Variants in CPQ observed in about 807,000 individuals in gnomAD.
The protein encoded by CPQ is Ser-Met dipeptidase.
Under a neutral mutation model 45.7 loss-of-function variants are expected in CPQ, and 37 were observed. The observed-to-expected ratio is 0.81, with a 90% CI of 0.62 to 1.07. The LOEUF is 1.07. Ranked by LOEUF, CPQ falls within the 50% of genes least tolerant of loss-of-function variation. The probability of loss-of-function intolerance (pLI) is 0.00; values close to 1 mark genes in which losing one functional copy is unlikely to be tolerated. For missense variants in CPQ, 537 were observed against 572.9 expected (o/e 0.94, Z 0.64); for synonymous variants, 186 against 205.8 (o/e 0.90, Z 0.82).
At chr8:96,770,352 G>GAACC (rs992969298) in intron 1 of CPQ, among the ~76,000 whole-genome samples, 6 of 152,144 alleles carry the variant, frequency 3.9e-5, no homozygotes, top group African/African-American at 1.4e-4. Flanking sequence ...GTAACTCCAA[G>GAACC]AACCAGTGAG....
chr8:96,996,224 A>C (rs1461678911), intron 5 of CPQ, among the ~76,000 whole-genome samples: 1 of 151,990 alleles, frequency 6.6e-6, no homozygotes, highest in Non-Finnish European at 1.5e-5. Flanking sequence ...CAGGTCACCA[A>C]GGGTAGAGGT....
chr8:96,808,887 T>C (rs1386698510), intron 2 of CPQ, among the ~76,000 whole-genome samples: 1 of 152,188 alleles, frequency 6.6e-6, no homozygotes, highest in Non-Finnish European at 1.5e-5. Context: ...AGATGGCATA[T>C]GCATCCCGTA....
At chr8:96,936,593 A>G (rs1204939604) in intron 4 of CPQ, among the ~76,000 whole-genome samples, 4 of 152,212 alleles carry the variant, frequency 2.6e-5, no homozygotes, top group Admixed American at 6.5e-5. Flanking sequence ...ACTCAACCTC[A>G]CAAAATCTCT....
chr8:97,097,324 C>T (rs922439011), intron 7 of CPQ, among the ~76,000 whole-genome samples: 2 of 152,092 alleles, frequency 1.3e-5, no homozygotes, highest in African/African-American at 4.8e-5. Context: ...CTTAGGATCT[C>T]TTCTTTTTTT....
intron 3 of CPQ, among the ~76,000 whole-genome samples, chr8:96,862,288 G>T (rs1811936288): frequency 6.9e-6 from 1 of 144,414 alleles, no homozygotes; most frequent in Non-Finnish European, 1.5e-5. Flanking sequence ...TTGCATTTGT[G>T]TGTGTGTGTG....
intron 1 of CPQ, among the ~76,000 whole-genome samples, chr8:96,645,637 G>A (rs1815509746): frequency 6.6e-6 from 1 of 152,042 alleles, no homozygotes; most frequent in South Asian, 2.1e-4. Context: ...CCTAGAAATG[G>A]GGAAGCTGTG....
At chr8:96,785,609 A>T (rs1810757813) in intron 2 of CPQ, among the ~76,000 whole-genome samples, 1 of 152,224 alleles carries the variant, frequency 6.6e-6, no homozygotes, top group African/African-American at 2.4e-5. Flanking sequence ...CTAGTTAAAC[A>T]TTAGCATGGT....
intron 1 of CPQ, among the ~76,000 whole-genome samples, chr8:96,658,202 G>A (rs1815659914): frequency 6.6e-6 from 1 of 152,172 alleles, no homozygotes; most frequent in Non-Finnish European, 1.5e-5. Context: ...AGAAGCAGAA[G>A]GTGCATCATG....
At chr8:97,001,165 T>C (rs1201106802) in intron 5 of CPQ, among the ~76,000 whole-genome samples, 1 of 152,138 alleles carries the variant, frequency 6.6e-6, no homozygotes, top group Non-Finnish European at 1.5e-5. Flanking sequence ...TTTCTAGATA[T>C]AGGATCACGT....
chr8:97,001,899 G>A (rs1809289811), intron 5 of CPQ, among the ~76,000 whole-genome samples: 1 of 151,448 alleles, frequency 6.6e-6, no homozygotes, highest in Admixed American at 6.6e-5. Context: ...CTGGCCTTGA[G>A]CTTTTTTTGG....
intron 1 of CPQ, among the ~76,000 whole-genome samples, chr8:96,654,126 C>T (rs1327234012): frequency 1.3e-5 from 2 of 152,144 alleles, no homozygotes; most frequent in Non-Finnish European, 2.9e-5. Context: ...CTTTTATATC[C>T]TCCTCATCAT....
chr8:96,998,291 G>A lies in CPQ; in HGVS notation c.962-31112G>A, dbSNP rs568814492. Among the ~76,000 whole-genome samples the A allele has an allele frequency of 5.9e-5, 9 of 151,834 alleles. 1 individual carries two copies. The East Asian group carries it at 9.7e-4, about 16-fold the overall frequency. On this transcript the variant is annotated intron_variant, in intron 5 of 7. Transcript: ENST00000220763. ...ATGCAGATTCAAAAGACAACCGATT[G>A]AAATGATTAGAAATAAAAATGTATA... is the stretch of plus-strand genomic sequence containing the variant.
At chr8:96,717,571 A>G (rs1809699078) in intron 1 of CPQ, among the ~76,000 whole-genome samples, 1 of 151,976 alleles carries the variant, frequency 6.6e-6, no homozygotes, top group East Asian at 1.9e-4. Flanking sequence ...TCCCATATAA[A>G]TTTTAGGATT....
At chr8:96,784,731 T>G in intron 1 of CPQ, 133 bp from the exon 2 acceptor site, 1 of 641,990 alleles carries the variant, frequency 1.6e-6, no homozygotes, top group Non-Finnish European at 2.7e-6. Flanking sequence ...TAACAGTGCC[T>G]GAATTTGATG....
intron 4 of CPQ, among the ~76,000 whole-genome samples, chr8:96,963,643 G>T (rs1223005404): frequency 1.3e-5 from 2 of 152,084 alleles, no homozygotes; most frequent in Non-Finnish European, 2.9e-5. Context: ...AGTACATGTT[G>T]CACATACATA....
chr8:96,658,215 A>T (rs1374572916), intron 1 of CPQ, among the ~76,000 whole-genome samples: 2 of 152,242 alleles, frequency 1.3e-5, no homozygotes, highest in African/African-American at 4.8e-5. Context: ...GCATCATGGA[A>T]ATCAGCATTA....
intron 1 of CPQ, among the ~76,000 whole-genome samples, chr8:96,773,675 T>G (rs1238838746): frequency 6.6e-6 from 1 of 152,156 alleles, no homozygotes; most frequent in Admixed American, 6.5e-5. Flanking sequence ...ACTGAGTAAT[T>G]TACAAAGAAC....
chr8:96,925,906 T>C (rs979872427), intron 4 of CPQ, among the ~76,000 whole-genome samples: 2 of 151,136 alleles, frequency 1.3e-5, no homozygotes, highest in African/African-American at 2.4e-5. Context: ...GCCAGGATGG[T>C]CTCAATCTCC....
At chr8:96,717,099 ACAC>A (rs1809692608) in intron 1 of CPQ, among the ~76,000 whole-genome samples, 1 of 137,710 alleles carries the variant, frequency 7.3e-6, no homozygotes, top group Non-Finnish European at 1.5e-5. Flanking sequence ...ACACACACAC[ACAC>A]CACATTTTCT....
Sources: allele counts gnomAD v4.1 joint callset (sites outside exome capture counted in the v4.1 genomes callset), GRCh38; gene constraint gnomAD v4.1.1; transcripts MANE v1.5; gene names NCBI Gene and HGNC (gene_info 2026-07-23, HGNC 2026-07-21).